Variants in RGS6 observed in about 807,000 individuals in gnomAD.
The protein encoded by RGS6 is regulator of G-protein signaling 6.
RGS6 carries 30 observed loss-of-function variants against 78.5 expected under a neutral mutation model. That is an observed-to-expected ratio of 0.38 (90% CI 0.29 to 0.52). The LOEUF (loss-of-function observed/expected upper bound fraction) is 0.52. RGS6 is among the 20% of genes least tolerant of loss of function. RGS6 has a pLI of 0.85. For missense variants in RGS6, 495 were observed against 609.7 expected (o/e 0.81, Z 1.98); for synonymous variants, 206 against 206.0 (o/e 1.00, Z 0.00).
intron 2 of RGS6, among the ~76,000 whole-genome samples, chr14:72,347,024 G>A (rs1031525266): frequency 1.3e-5 from 2 of 152,180 alleles, no homozygotes; most frequent in Non-Finnish European, 2.9e-5. Context: ...CGTGGCTGTG[G>A]CCCATCCAGG....
At chr14:71,977,038 C>T (rs74446888) in intron 2 of RGS6, among the ~76,000 whole-genome samples, 45,713 of 93,858 alleles carry the variant, frequency 0.49, 13,795 homozygotes, top group East Asian at 0.68. Context: ...TTTCATGTGT[C>T]TTTTGGCTGC....
chr14:72,157,077 CT>C (rs1332568803), intron 2 of RGS6, among the ~76,000 whole-genome samples: 1 of 152,176 alleles, frequency 6.6e-6, no homozygotes, highest in Non-Finnish European at 1.5e-5. Context: ...GTGATTCAAT[CT>C]CCCAAACCCA....
intron 2 of RGS6, among the ~76,000 whole-genome samples, chr14:72,107,994 ACT>A (rs1350132061): frequency 6.6e-6 from 1 of 152,046 alleles, no homozygotes; most frequent in Non-Finnish European, 1.5e-5. Context: ...TTAATGCTAT[ACT>A]CTCTTCCATT....
downstream of RGS6, among the ~76,000 whole-genome samples, chr14:72,569,163 T>G (rs930803635): frequency 6.6e-6 from 1 of 152,236 alleles, no homozygotes; most frequent in East Asian, 1.9e-4. Flanking sequence ...TTTATTAAGC[T>G]ATAATTTACC....
Position 72,478,349 on chromosome 14 carries a change from T to C in RGS6, c.854+20T>C. On this transcript the variant is annotated intron_variant, in intron 12 of 17. Transcript: ENST00000553525. ...TGAAAGGTATGTTTTCCTTTAATAA[T>C]ATTACTACTTTCTTCTAATTTAACA... is the stretch of plus-strand genomic sequence containing the variant. 1 of 1,502,910 alleles carries C rather than the reference T, an allele frequency of 6.7e-7. No homozygotes were observed. Among genetic ancestry groups the C allele is most frequent in the Non-Finnish European group, 9.2e-7 (1 of 1,081,742 alleles). 93.1% of individuals were successfully genotyped at this position (1,502,910 alleles called of 1,614,324 possible). A position where few individuals can be genotyped will look rare whatever the true frequency, so the allele number is the denominator to read the frequency against.
intron 1 of RGS6, among the ~76,000 whole-genome samples, chr14:71,963,639 G>A (rs577140560): frequency 2.6e-5 from 4 of 152,292 alleles, no homozygotes; most frequent in Non-Finnish European, 4.4e-5. Context: ...TACACTTAGC[G>A]TGTTTTCACT....
At chr14:72,260,386 T>A (rs902072086) in intron 2 of RGS6, among the ~76,000 whole-genome samples, 8 of 152,244 alleles carry the variant, frequency 5.3e-5, no homozygotes, top group Admixed American at 2.0e-4. Flanking sequence ...GAGTGATAAT[T>A]ATCTAATATT....
chr14:71,988,893 CAAAT>C (rs2094836489), intron 2 of RGS6, among the ~76,000 whole-genome samples: 1 of 152,206 alleles, frequency 6.6e-6, no homozygotes. Flanking sequence ...ATTCACCCCT[CAAAT>C]AATATGTTTC....
At chr14:72,036,101 G>A (rs1399704117) in intron 2 of RGS6, among the ~76,000 whole-genome samples, 2 of 151,882 alleles carry the variant, frequency 1.3e-5, no homozygotes, top group East Asian at 1.9e-4. Context: ...TTTCCACAAG[G>A]TCACATAAAT....
At chr14:72,258,131 G>T (rs1300970700) in intron 2 of RGS6, among the ~76,000 whole-genome samples, 1 of 152,154 alleles carries the variant, frequency 6.6e-6, no homozygotes, top group African/African-American at 2.4e-5. Context: ...AAAATCCAGA[G>T]GATTTATCTG....
chr14:72,199,956 G>A (rs1295985013), intron 2 of RGS6, among the ~76,000 whole-genome samples: 2 of 152,190 alleles, frequency 1.3e-5, no homozygotes, highest in Non-Finnish European at 2.9e-5. Flanking sequence ...TTTCGATAGA[G>A]ATCCTATGGC....
chr14:72,316,467 A>G (rs1363309537), intron 2 of RGS6, among the ~76,000 whole-genome samples: 1 of 152,100 alleles, frequency 6.6e-6, no homozygotes, highest in Non-Finnish European at 1.5e-5. Context: ...TGTCCCACCT[A>G]TGAGTGAGAA....
chr14:72,209,328 C>T (rs961361944), intron 2 of RGS6, among the ~76,000 whole-genome samples: 2 of 152,054 alleles, frequency 1.3e-5, no homozygotes, highest in Non-Finnish European at 2.9e-5. Context: ...CTTTAAAAGG[C>T]AATAATCATT....
intron 2 of RGS6, among the ~76,000 whole-genome samples, chr14:72,264,205 T>C (rs2058657736): frequency 6.6e-6 from 1 of 152,254 alleles, no homozygotes; most frequent in African/African-American, 2.4e-5. Context: ...CCCGAATTTA[T>C]ATTTTCTTGT....
intron 3 of RGS6, among the ~76,000 whole-genome samples, chr14:72,428,538 C>T (rs1430934927): frequency 6.6e-6 from 1 of 152,148 alleles, no homozygotes; most frequent in East Asian, 1.9e-4. Context: ...AGGCTCAGCC[C>T]TCTCTGGATT....
chr14:72,482,875 A>C (rs574066342), intron 12 of RGS6, among the ~76,000 whole-genome samples: 3 of 152,268 alleles, frequency 2.0e-5, no homozygotes, highest in Non-Finnish European at 4.4e-5. Flanking sequence ...CCACACCAGG[A>C]AATCAAATAA....
At chr14:72,224,795 C>T (rs2047722047) in intron 2 of RGS6, among the ~76,000 whole-genome samples, 1 of 152,004 alleles carries the variant, frequency 6.6e-6, no homozygotes, top group Non-Finnish European at 1.5e-5. Flanking sequence ...CATCAAGAGC[C>T]TCTGACCTGA....
chr14:72,285,714 T>A (rs1040460257), intron 2 of RGS6, among the ~76,000 whole-genome samples: 1 of 152,236 alleles, frequency 6.6e-6, no homozygotes. Flanking sequence ...TCCTAACAGG[T>A]GTGAGGTGAT....
chr14:72,498,337 G>A (rs1203855064), intron 13 of RGS6, among the ~76,000 whole-genome samples: 1 of 151,958 alleles, frequency 6.6e-6, no homozygotes, highest in Non-Finnish European at 1.5e-5. Context: ...TCTGCTCATT[G>A]TTTCATTCAT....
Sources: gnomAD v4.1 joint callset for allele counts (sites outside exome capture counted in the v4.1 genomes callset) on GRCh38, gnomAD v4.1.1 for gene constraint, MANE v1.5 for transcripts, NCBI Gene and HGNC (gene_info 2026-07-23, HGNC 2026-07-21) for gene names.